DGKB: variants seen among roughly 807,000 people sequenced by gnomAD.
DGKB encodes diacylglycerol kinase beta.
Under a neutral mutation model 114.3 loss-of-function variants are expected in DGKB, and 67 were observed. The observed-to-expected ratio is 0.59, with a 90% confidence interval of 0.48 to 0.72. DGKB has a LOEUF of 0.72. DGKB is among the 30% of genes least tolerant of loss of function. DGKB has a pLI of 0.00. For missense variants in DGKB, 907 were observed against 975.2 expected (o/e 0.93, Z 0.93); for synonymous variants, 398 against 323.1 (o/e 1.23, Z -2.49).
chr7:14,292,954 C>G (rs1358764467), intron 23 of DGKB, among the ~76,000 whole-genome samples: 2 of 152,110 alleles, frequency 1.3e-5, no homozygotes, highest in Non-Finnish European at 2.9e-5. Context: ...TTCTGGGCTT[C>G]TCTGGATGGC....
At chr7:14,707,189 C>T (rs1314024539) in intron 6 of DGKB, among the ~76,000 whole-genome samples, 1 of 127,876 alleles carries the variant, frequency 7.8e-6, no homozygotes, top group Non-Finnish European at 1.6e-5. Flanking sequence ...CTACAAACAC[C>T]TCTATGCAAA....
At chr7:14,294,443 T>A (rs929222943) in intron 23 of DGKB, among the ~76,000 whole-genome samples, 2 of 152,156 alleles carry the variant, frequency 1.3e-5, no homozygotes, top group Admixed American at 1.3e-4. Context: ...ATGGAGACCC[T>A]GCATTGGCCC....
chr7:14,535,843 C>T (rs1792395848), intron 20 of DGKB, among the ~76,000 whole-genome samples: 1 of 152,092 alleles, frequency 6.6e-6, no homozygotes, highest in Admixed American at 6.6e-5. Context: ...CCTCAGCCTC[C>T]CATCGTACTG....
At chr7:14,879,074 C>T (rs1387900521) in intron 1 of DGKB, among the ~76,000 whole-genome samples, 1 of 151,800 alleles carries the variant, frequency 6.6e-6, no homozygotes, top group Non-Finnish European at 1.5e-5. Flanking sequence ...TGTTACTAGA[C>T]AGAGGAAAAT....
intron 2 of DGKB, among the ~76,000 whole-genome samples, chr7:14,786,939 T>C (rs1586504852): frequency 6.6e-6 from 1 of 152,202 alleles, no homozygotes; most frequent in Non-Finnish European, 1.5e-5. Context: ...ACTGTGGATC[T>C]CCTCTCCACT....
chr7:14,759,215 G>A (rs549516451), intron 2 of DGKB, among the ~76,000 whole-genome samples: 19 of 152,282 alleles, frequency 1.2e-4, no homozygotes, highest in Middle Eastern at 3.4e-3. Flanking sequence ...ATGAGCCACC[G>A]TGCTCAGCCT....
intron 6 of DGKB, among the ~76,000 whole-genome samples, chr7:14,705,180 C>T (rs1175514377): frequency 6.6e-6 from 1 of 151,958 alleles, no homozygotes; most frequent in Non-Finnish European, 1.5e-5. Context: ...ATGCAGAAGC[C>T]TCAGGAGCCG....
chr7:14,673,049 T>G, intron 12 of DGKB, 22 bp from the exon 13 acceptor site: 1 of 1,425,574 alleles, frequency 7.0e-7, no homozygotes, highest in Non-Finnish European at 9.7e-7. Context: ...GAAAGGGGGA[T>G]AGTATCAAAT....
chr7:14,964,636 G>C (rs993344890), intron 1 of DGKB, among the ~76,000 whole-genome samples: 2 of 152,266 alleles, frequency 1.3e-5, no homozygotes, highest in Admixed American at 6.5e-5. Flanking sequence ...TATCATAATT[G>C]GAAGTTTGTA....
At chr7:14,930,774 G>A (rs1308064239) in intron 1 of DGKB, among the ~76,000 whole-genome samples, 1 of 152,084 alleles carries the variant, frequency 6.6e-6, no homozygotes, top group African/African-American at 2.4e-5. Flanking sequence ...GGGCATCCTT[G>A]ACTTGTTCCA....
At chr7:14,350,407 AAACG>A (rs1046326076) in intron 21 of DGKB, among the ~76,000 whole-genome samples, 75 of 152,206 alleles carry the variant, frequency 4.9e-4, no homozygotes, top group African/African-American at 1.7e-3. Flanking sequence ...CAAAACAAAC[AAACG>A]AAACAGTAAA....
In DGKB at chr7:14,320,514, CAT is replaced by C. The variant is rs559418321; in HGVS notation, c.2122+17999_2122+18000del. On this transcript the variant is annotated intron_variant, in intron 23 of 25. Coordinates refer to ENST00000402815, the MANE Select transcript of DGKB (RefSeq NM_001350709.2). ...TCAACTCCACAAAGCATCTTTTCCA[CAT>C]ATATATATGTACCGCATATGCGGTA... Among the ~76,000 whole-genome samples the C allele has an allele frequency of 9.2e-5, 14 of 151,878 alleles. No individual in the cohort carries two copies. In the East Asian group the frequency reaches 1.2e-3, roughly 13 times the overall value.
intron 9 of DGKB, among the ~76,000 whole-genome samples, chr7:14,691,640 C>T (rs1313943610): frequency 1.3e-5 from 2 of 151,922 alleles, no homozygotes; most frequent in Non-Finnish European, 2.9e-5. Flanking sequence ...GATTATATGG[C>T]TTATACATTT....
rs138289470 is a variant in DGKB at position 14,573,613 on chromosome 7, T to C, written c.1770+599A>G. On this transcript the variant is annotated intron_variant, in intron 20 of 25. Transcript: ENST00000402815. Reference sequence around the variant, plus strand: ...ATTTCATAATCATTGGCTAAAAATATATATAAAATCACTATTAAAATTATT... The same window carrying C: ...ATTTCATAATCATTGGCTAAAAATACATATAAAATCACTATTAAAATTATT... Among the ~76,000 whole-genome samples the C allele has an allele frequency of 5.7e-3, 862 of 152,188 alleles. 8 individuals carry two copies. Among genetic ancestry groups the C allele is most frequent in the African/African-American group, 0.019 (802 of 41,558 alleles).
chr7:14,471,298 T>G, intron 21 of DGKB, among the ~76,000 whole-genome samples: 1 of 63,708 alleles, frequency 1.6e-5, no homozygotes, highest in African/African-American at 4.2e-5. Context: ...GTATGGAATA[T>G]ATGTGTATAC....
intron 13 of DGKB, among the ~76,000 whole-genome samples, chr7:14,664,248 C>T (rs983143706): frequency 3.9e-5 from 6 of 152,056 alleles, no homozygotes; most frequent in African/African-American, 1.2e-4. Context: ...TTTGAAATCA[C>T]ATCAAATCCT....
intron 20 of DGKB, among the ~76,000 whole-genome samples, chr7:14,538,153 A>G (rs1563442708): frequency 2.0e-5 from 3 of 151,894 alleles, no homozygotes; most frequent in Non-Finnish European, 1.5e-5. Context: ...CAACAAAGAA[A>G]CAAGCAACAA....
intron 1 of DGKB, among the ~76,000 whole-genome samples, chr7:14,868,437 C>A (rs899125366): frequency 6.6e-6 from 1 of 151,456 alleles, no homozygotes; most frequent in Admixed American, 6.6e-5. Flanking sequence ...TGGGTTCAAG[C>A]GATTCTCCTG....
intron 12 of DGKB, among the ~76,000 whole-genome samples, chr7:14,676,508 C>T (rs1819881761): frequency 1.3e-5 from 2 of 152,062 alleles, no homozygotes; most frequent in South Asian, 4.1e-4. Flanking sequence ...TTTCACATTG[C>T]ATGCCTGTAT....
Sources: allele counts gnomAD v4.1 joint callset (sites outside exome capture counted in the v4.1 genomes callset), GRCh38; gene constraint gnomAD v4.1.1; transcripts MANE v1.5; gene names NCBI Gene and HGNC (gene_info 2026-07-23, HGNC 2026-07-21).